GLG1: variants seen among roughly 807,000 people sequenced by gnomAD.
The protein encoded by GLG1 is golgi glycoprotein 1, also known as Golgi apparatus protein 1.
A neutral mutation model predicts 160.5 loss-of-function variants in GLG1; 38 were observed. That is an observed-to-expected ratio of 0.24 (90% CI 0.18 to 0.31). GLG1 has a LOEUF of 0.31. Ranked by LOEUF, GLG1 falls within the 10% of genes least tolerant of loss-of-function variation. The probability of loss-of-function intolerance (pLI) is 1.00; values close to 1 mark genes in which losing one functional copy is unlikely to be tolerated. For synonymous variants in GLG1, 644 were observed against 543.4 expected, an observed-to-expected ratio of 1.19 and a Z score of -2.57; for missense variants, 1,373 against 1,505.2, an observed-to-expected ratio of 0.91 and a Z score of 1.45.
intron 1 of GLG1, among the ~76,000 whole-genome samples, chr16:74,589,392 C>A (rs969539697): frequency 1.3e-5 from 2 of 152,102 alleles, no homozygotes; most frequent in African/African-American, 2.4e-5. Context: ...CTAAAGCAGA[C>A]CTAGCTGGCA....
chr16:74,465,633 TTTG>T, intron 19 of GLG1, 40 bp downstream of exon 19: 3 of 1,600,522 alleles, frequency 1.9e-6, no homozygotes, highest in Non-Finnish European at 2.6e-6. Context: ...GCTTTGTTGT[TTTG>T]TTGTTCATCC....
At chr16:74,496,895 A>T (rs1425664703) in intron 4 of GLG1, among the ~76,000 whole-genome samples, 1 of 152,214 alleles carries the variant, frequency 6.6e-6, no homozygotes, top group Non-Finnish European at 1.5e-5. Context: ...ATGGAAACAG[A>T]GATCCTGGAA....
At chr16:74,596,586 T>G (rs1398135514) in intron 1 of GLG1, among the ~76,000 whole-genome samples, 1 of 152,224 alleles carries the variant, frequency 6.6e-6, no homozygotes, top group Non-Finnish European at 1.5e-5. Flanking sequence ...AAATCAAATG[T>G]GTATTTTATA....
At chr16:74,505,692 T>C (rs1178300739) in intron 3 of GLG1, among the ~76,000 whole-genome samples, 1 of 152,048 alleles carries the variant, frequency 6.6e-6, no homozygotes, top group Admixed American at 6.6e-5. Context: ...CTGTCTCTAA[T>C]AAAATACAAA....
Position 74,457,900 on chromosome 16 carries a change from G to A in GLG1, c.3239C>T (p.Ala1080Val). 3 of 1,613,994 alleles carry A rather than the reference G, an allele frequency of 1.9e-6. No individual in the cohort carries two copies. Among genetic ancestry groups the A allele is most frequent in the Non-Finnish European group, 2.5e-6 (3 of 1,179,864 alleles). Reference protein sequence around the residue: ...ACALDIKHHCAAITPGRGRQM... With the variant: ...ACALDIKHHCVAITPGRGRQM... ...ACGCCCGCGGCCAGGGGTGATGGCT[G>A]CGCAGTGGTGTTTAATGTCCAGGGC... The change falls in exon 24 of 26, where the codon GCA (alanine) becomes GTA (valine). Residue 1080 changes from alanine (A) to valine (V), a missense_variant. Coordinates refer to ENST00000422840, the MANE Select transcript of GLG1 (RefSeq NM_001145667.2).
rs778213396 is a variant in GLG1 at position 74,477,394 on chromosome 16, A to G, written c.1965+2T>C. The G allele has an allele frequency of 6.2e-7, 1 of 1,608,098 alleles. No homozygotes were observed. On this transcript the variant is annotated splice_donor_variant, in intron 12 of 25. Transcript: ENST00000422840. LOFTEE classifies it high-confidence loss of function. ...AGACAAACAGAAAGCGATGTCACCTACCTGTCCAGTCTCTGTTTTCTCACT... is the reference window on the plus strand; with the variant it reads ...AGACAAACAGAAAGCGATGTCACCTGCCTGTCCAGTCTCTGTTTTCTCACT...
chr16:74,606,575 CG>C, intron 1 of GLG1, 81 bp downstream of exon 1: 1 of 1,189,318 alleles, frequency 8.4e-7, no homozygotes, highest in Non-Finnish European at 1.2e-6. Context: ...AGCAGCCGAC[CG>C]GCGTCAGCGG....
chr16:74,511,886 T>C (rs1041358952), intron 2 of GLG1, among the ~76,000 whole-genome samples: 4 of 152,146 alleles, frequency 2.6e-5, no homozygotes, highest in Admixed American at 6.6e-5. Context: ...CTAAGAACCA[T>C]GACAGTATTG....
At chr16:74,515,640 C>T (rs1187021763) in intron 2 of GLG1, among the ~76,000 whole-genome samples, 2 of 151,722 alleles carry the variant, frequency 1.3e-5, no homozygotes, top group African/African-American at 2.4e-5. Flanking sequence ...CAACATGGCA[C>T]ATGTATACAT....
At chr16:74,497,159 T>G (rs1026747756) in intron 4 of GLG1, among the ~76,000 whole-genome samples, 1 of 151,698 alleles carries the variant, frequency 6.6e-6, no homozygotes, top group African/African-American at 2.4e-5. Context: ...CATGGTGGTG[T>G]GCGCCTGTAA....
Position 74,469,077 on chromosome 16 carries a change from A to T in GLG1, c.2319-14T>A. ...ACCACGTCCACCCTGCAGACGAAAG[A>T]AGCTTGAGGCTGGCTGGGGCCACAC... On this transcript the variant is annotated splice_polypyrimidine_tract_variant and intron_variant, in intron 16 of 25. Transcript: ENST00000422840. 6.3e-7 allele frequency: 1 copy of T among 1,587,290 alleles called. No homozygotes were observed. The highest frequency in any genetic ancestry group is 8.7e-7 in the Non-Finnish European group (1 of 1,155,548).
chr16:74,568,419 T>A (rs958073768), intron 1 of GLG1, among the ~76,000 whole-genome samples: 5 of 13,560 alleles, frequency 3.7e-4, no homozygotes, highest in Non-Finnish European at 5.7e-4. Flanking sequence ...ATTTTACTGC[T>A]TTTTTTTTTT....
chr16:74,532,064 A>G lies in GLG1; in HGVS notation c.471+57T>C, dbSNP rs970174168. 7.0e-6 allele frequency: 5 copies of G among 714,976 alleles called. No individual in the cohort carries two copies. The African/African-American group carries it at 9.1e-5, about 13-fold the overall frequency. 44.3% of individuals were successfully genotyped at this position (714,976 alleles called of 1,614,324 possible). On this transcript the variant is annotated intron_variant, in intron 2 of 25. Transcript: ENST00000422840. ...CAGAACAACAGGAAGAGCATCCCGAAATCTGTCATCGTATCTATAAAGCAC... is the reference window on the plus strand; with the variant it reads ...CAGAACAACAGGAAGAGCATCCCGAGATCTGTCATCGTATCTATAAAGCAC...
At chr16:74,488,122 G>A (rs1316088182) in intron 8 of GLG1, among the ~76,000 whole-genome samples, 3 of 152,086 alleles carry the variant, frequency 2.0e-5, no homozygotes, top group African/African-American at 4.8e-5. Context: ...TTATGCTTAC[G>A]CTTTACAGCT....
chr16:74,508,843 G>T lies in GLG1; in HGVS notation c.554C>A (p.Thr185Lys). The change falls in exon 3 of 26, where the codon ACA becomes AAA. Residue 185 changes from threonine to lysine, a missense_variant. Coordinates refer to ENST00000422840, the MANE Select transcript of GLG1 (RefSeq NM_001145667.2). ...CAAAATTCTTTGACAACTTACCTCT[G>T]TTATAGTAGATTTGCAAACCTCTCT... ...VAREVCKSTITEIKECADEPV... is the reference protein window; with the variant it reads ...VAREVCKSTIKEIKECADEPV... The T allele has an allele frequency of 7.2e-7, 1 of 1,396,674 alleles. No homozygotes were observed. The highest frequency in any genetic ancestry group is 1.0e-6 in the Non-Finnish European group (1 of 983,224). 86.5% of individuals were successfully genotyped at this position (1,396,674 alleles called of 1,614,324 possible). A position where few individuals can be genotyped will look rare whatever the true frequency, so the allele number is the denominator to read the frequency against.
At chr16:74,469,238 G>C (rs2015111638) in intron 16 of GLG1, 175 bp from the exon 17 acceptor site, 2 of 599,820 alleles carry the variant, frequency 3.3e-6, no homozygotes, top group East Asian at 2.8e-5. Context: ...ATTTGACTGT[G>C]GGTGTCATGA....
rs555929151 is a variant in GLG1 at position 74,528,716 on chromosome 16, G to A, written c.471+3405C>T. On this transcript the variant is annotated intron_variant, in intron 2 of 25. Transcript: ENST00000422840. ...AATCCCAGCTACTCAGGAGGCTGAG[G>A]CAGGAGAATCACTTCAACCCCAGAG... 6.6e-4 allele frequency among the ~76,000 whole-genome samples: 98 copies of A among 147,904 alleles called. 1 individual carries two copies. The highest frequency in any genetic ancestry group is 2.3e-3 in the African/African-American group (93 of 40,090).
chr16:74,604,326 G>A (rs1958513926), intron 1 of GLG1, among the ~76,000 whole-genome samples: 1 of 152,242 alleles, frequency 6.6e-6, no homozygotes, highest in African/African-American at 2.4e-5. Flanking sequence ...GGTATCACAA[G>A]TATTTTAGAG....
Position 74,448,746 on chromosome 16 carries a change from G to A in GLG1, c.*4421C>T, listed in dbSNP as rs1333427784. ...CAGCCTGGGCAACGAGTGAAACTGTGTCTCAAAAGAAAAAAAAAAAAAAGG... is the reference window on the plus strand; with the variant it reads ...CAGCCTGGGCAACGAGTGAAACTGTATCTCAAAAGAAAAAAAAAAAAAAGG... On this transcript the variant is annotated 3_prime_UTR_variant, in exon 26 of 26. Transcript: ENST00000422840. The A allele has an allele frequency of 7.4e-5, 4 of 54,126 alleles. No individual in the cohort carries two copies. The highest frequency in any genetic ancestry group is 3.1e-4 in the Admixed American group (1 of 3,220). 3.4% of individuals were successfully genotyped at this position (54,126 alleles called of 1,614,324 possible). A position where few individuals can be genotyped will look rare whatever the true frequency, so the allele number is the denominator to read the frequency against.
Sources: allele counts gnomAD v4.1 joint callset (sites outside exome capture counted in the v4.1 genomes callset), GRCh38; gene constraint gnomAD v4.1.1; transcripts MANE v1.5; gene names NCBI Gene and HGNC (gene_info 2026-07-23, HGNC 2026-07-21).